MYPN: variants seen among roughly 807,000 people sequenced by gnomAD.
The protein encoded by MYPN is myopalladin.
In MYPN, 63 loss-of-function variants were observed where a neutral mutation model predicts 129.4. The ratio of observed to expected loss-of-function variants is 0.49; its 90% CI spans 0.40 to 0.60. MYPN has a LOEUF of 0.60. Among genes scored for constraint, MYPN ranks in the 20% least tolerant of loss-of-function variants. The probability of loss-of-function intolerance (pLI) is 0.00; values close to 1 mark genes in which losing one functional copy is unlikely to be tolerated. For missense variants in MYPN, 1,596 were observed against 1,635.4 expected, an observed-to-expected ratio of 0.98 and a Z score of 0.42; for synonymous variants, 629 against 600.9, an observed-to-expected ratio of 1.05 and a Z score of -0.68.
At chr10:68,202,794 C>T (rs2043740360) in intron 18 of MYPN, among the ~76,000 whole-genome samples, 1 of 151,100 alleles carries the variant, frequency 6.6e-6, no homozygotes, top group South Asian at 2.1e-4. Context: ...GAAATTGCCC[C>T]AGAGAATGCT....
chr10:68,138,996 C>G (rs1019132999), intron 2 of MYPN, among the ~76,000 whole-genome samples: 1 of 152,180 alleles, frequency 6.6e-6, no homozygotes, highest in African/African-American at 2.4e-5. Context: ...TGTGTAACTT[C>G]TCCTAAATAT....
At chr10:68,100,657 A>G (rs958530420) in intron 1 of MYPN, among the ~76,000 whole-genome samples, 2 of 152,214 alleles carry the variant, frequency 1.3e-5, no homozygotes, top group Non-Finnish European at 2.9e-5. Context: ...AGAAGGATGT[A>G]AAAGTACGAA....
chr10:68,205,617 G>A (rs1012474278), intron 18 of MYPN, among the ~76,000 whole-genome samples: 1 of 151,302 alleles, frequency 6.6e-6, no homozygotes, highest in East Asian at 1.9e-4. Context: ...AACCTGGGAG[G>A]GGGAGGGTGC....
At chr10:68,198,337 C>A (rs1049222992) in intron 16 of MYPN, among the ~76,000 whole-genome samples, 1 of 152,174 alleles carries the variant, frequency 6.6e-6, no homozygotes, top group African/African-American at 2.4e-5. Context: ...TCATACTAAT[C>A]AACCTCCATT....
Position 68,208,884 on chromosome 10 carries a change from A to T in MYPN, c.3794-1402A>T, listed in dbSNP as rs1209040387. ...CCTAGGAAATGCAGTAGTCCAGTTA[A>T]GATGTCAGAGAGAGCCGGGAAGGGC... is the stretch of plus-strand genomic sequence containing the variant. On this transcript the variant is annotated intron_variant, in intron 19 of 19. Transcript: ENST00000358913. 2.6e-5 allele frequency among the ~76,000 whole-genome samples: 4 copies of T among 152,138 alleles called. No individual in the cohort carries two copies. In the East Asian group the frequency reaches 7.7e-4, roughly 29 times the overall value.
intron 2 of MYPN, among the ~76,000 whole-genome samples, chr10:68,130,003 C>G (rs565074670): frequency 6.6e-6 from 1 of 152,168 alleles, no homozygotes; most frequent in Non-Finnish European, 1.5e-5. Flanking sequence ...AGTATTATCT[C>G]AAGTGGTTTT....
At chr10:68,192,707 T>C (rs2043535243) in intron 13 of MYPN, among the ~76,000 whole-genome samples, 1 of 96 alleles carries the variant, frequency 0.01, no homozygotes, top group Non-Finnish European at 0.025. Flanking sequence ...ATTGGTCTGG[T>C]CTGCTAGTTT....
chr10:68,176,880 G>T (rs1425749606), intron 12 of MYPN, among the ~76,000 whole-genome samples: 1 of 152,160 alleles, frequency 6.6e-6, no homozygotes, highest in African/African-American at 2.4e-5. Flanking sequence ...TTACAGAACA[G>T]TTACCTTCAA....
chr10:68,169,740 C>CT (rs575395237), intron 10 of MYPN, among the ~76,000 whole-genome samples: 24,687 of 144,992 alleles, frequency 0.17, 2,130 homozygotes, highest in Middle Eastern at 0.25. Flanking sequence ...AAGTCATAGC[C>CT]TTTTTTTTTT....
upstream of MYPN, among the ~76,000 whole-genome samples, chr10:68,108,798 C>T (rs142415340): frequency 0.023 from 3,557 of 152,062 alleles, 148 homozygotes; most frequent in African/African-American, 0.081. Flanking sequence ...CTCGGCTCAC[C>T]GCAACCTCTA....
intron 1 of MYPN, among the ~76,000 whole-genome samples, 178 bp from the exon 2 acceptor site, chr10:68,121,260 A>G (rs2042236613): frequency 6.6e-6 from 1 of 152,244 alleles, no homozygotes; most frequent in African/African-American, 2.4e-5. Flanking sequence ...CCTGGGTGAC[A>G]AAGTGAGACC....
At chr10:68,123,632 G>A (rs988033531) in intron 2 of MYPN, among the ~76,000 whole-genome samples, 16 of 151,400 alleles carry the variant, frequency 1.1e-4, no homozygotes, top group African/African-American at 3.9e-4. Context: ...CTTGCTGTAA[G>A]CCGAGCTTGC....
chr10:68,186,790 T>C (rs1008077469), intron 12 of MYPN, among the ~76,000 whole-genome samples: 3 of 152,038 alleles, frequency 2.0e-5, no homozygotes, highest in Non-Finnish European at 4.4e-5. Flanking sequence ...CACTTGAAGA[T>C]TCAATCATTC....
rs397947044 is a variant in MYPN at position 68,099,639 on chromosome 10, CA to C, written c.-2+11659del. The stretch of plus-strand genomic sequence containing the variant: ...TGGGTGACAGAGCAAGACTCTGTCT[CA>C]AAAAAAAAAAAGTAACTAATAATTT... On this transcript the variant is annotated intron_variant, in intron 1 of 6. Transcript: ENST00000685154. 1.3e-3 allele frequency among the ~76,000 whole-genome samples: 177 copies of C among 139,744 alleles called. 1 individual carries two copies. The highest frequency in any genetic ancestry group is 3.6e-3 in the Middle Eastern group (1 of 274). The allele number at this position is 139,744 out of a possible 152,430, so 91.7% of individuals were successfully genotyped here. A position where few individuals can be genotyped will look rare whatever the true frequency, so the allele number is the denominator to read the frequency against.
intron 18 of MYPN, among the ~76,000 whole-genome samples, chr10:68,204,503 C>A (rs61854760): frequency 0.15 from 22,354 of 152,176 alleles, 2,130 homozygotes; most frequent in Admixed American, 0.2. Flanking sequence ...AGGTGGATCA[C>A]CTTTGGTCAG....
At chr10:68,181,409 C>A (rs1418608157) in intron 12 of MYPN, among the ~76,000 whole-genome samples, 1 of 152,104 alleles carries the variant, frequency 6.6e-6, no homozygotes, top group Non-Finnish European at 1.5e-5. Context: ...CCTGCCTCAG[C>A]CTCCTGAGTA....
rs546623744 is a variant in MYPN, at chr10:68,144,271, A to C, written c.1078+1156A>C. Among the ~76,000 whole-genome samples the C allele has an allele frequency of 2.6e-5, 4 of 152,262 alleles. No individual in the cohort carries two copies. In the South Asian group the frequency reaches 8.3e-4, roughly 32 times the overall value. On this transcript the variant is annotated intron_variant, in intron 3 of 19. Transcript: ENST00000358913. ...CTTATCCTCTGAATTTTGTCTGCAG[A>C]TCATTCTTTAGCACTTTTTTCACCA... is the stretch of plus-strand genomic sequence containing the variant.
chr10:68,097,218 A>G (rs548279198), intron 1 of MYPN, among the ~76,000 whole-genome samples: 1 of 152,312 alleles, frequency 6.6e-6, no homozygotes, highest in South Asian at 2.1e-4. Context: ...GATGTAAGTG[A>G]TCTGATTTGC....
At position 68,165,760 on chromosome 10, in the gene MYPN, A is replaced by G; in HGVS notation, c.1542A>G (p.Thr514=). ...TTGCAGAAGATTCTGGGTGCTTCAC[A>G]TGTACTGCAAGCAACAAATACGGCA... The part of the protein sequence containing the change: ...EVFAEDSGCF[T]CTASNKYGTV... The change falls in exon 9 of 20, where the codon ACA becomes ACG. Residue 514 remains threonine (T), a synonymous_variant. Coordinates refer to ENST00000358913, the MANE Select transcript of MYPN (RefSeq NM_032578.4). 6.2e-7 allele frequency: 1 copy of G among 1,614,202 alleles called. No individual in the cohort carries two copies. The highest frequency in any genetic ancestry group is 8.5e-7 in the Non-Finnish European group (1 of 1,180,026).
Sources: gnomAD v4.1 joint callset for allele counts (sites outside exome capture counted in the v4.1 genomes callset) on GRCh38, gnomAD v4.1.1 for gene constraint, MANE v1.5 for transcripts, NCBI Gene and HGNC (gene_info 2026-07-23, HGNC 2026-07-21) for gene names.